Variants in CACNG2 observed in about 807,000 individuals in gnomAD.
CACNG2 encodes the protein voltage-dependent calcium channel gamma-2 subunit.
A neutral mutation model predicts 25.9 loss-of-function variants in CACNG2; 3 were observed. That is an observed-to-expected ratio of 0.12 (90% CI 0.05 to 0.30). The LOEUF (loss-of-function observed/expected upper bound fraction) is 0.30, where lower values mean the gene tolerates loss of function less well. Among genes scored for constraint, CACNG2 ranks in the 10% least tolerant of loss-of-function variants. The pLI is 1.00. For synonymous variants in CACNG2, 167 were observed against 173.3 expected (o/e 0.96, Z 0.29); for missense variants, 341 against 432.5 (o/e 0.79, Z 1.88).
intron 1 of CACNG2, among the ~76,000 whole-genome samples, chr22:36,693,834 A>G (rs1002151307): frequency 1.3e-5 from 2 of 151,902 alleles, no homozygotes; most frequent in African/African-American, 4.8e-5. Flanking sequence ...TTCCTCCCCA[A>G]TCCCTGTGCT....
chr22:36,675,090 G>T lies in CACNG2; in HGVS notation c.211+27276C>A, dbSNP rs181382195. ...TGGGACAGGGTTGCCCAGGCCGAAT[G>T]CAGTGTTGTGATCACGGCTCACTGC... On this transcript the variant is annotated intron_variant, in intron 1 of 3. Coordinates refer to ENST00000300105, the MANE Select transcript of CACNG2 (RefSeq NM_006078.5). 1.1e-4 allele frequency among the ~76,000 whole-genome samples: 17 copies of T among 152,322 alleles called. No individual in the cohort carries two copies. In the East Asian group the frequency reaches 3.1e-3, roughly 28 times the overall value.
intron 1 of CACNG2, among the ~76,000 whole-genome samples, chr22:36,641,955 C>T (rs1005093535): frequency 6.6e-6 from 1 of 152,186 alleles, no homozygotes. Flanking sequence ...AATGTGAGAT[C>T]CTTCTAACAA....
intron 1 of CACNG2, among the ~76,000 whole-genome samples, chr22:36,661,307 T>G (rs1936791455): frequency 6.6e-6 from 1 of 152,224 alleles, no homozygotes; most frequent in African/African-American, 2.4e-5. Flanking sequence ...AGATCGCATG[T>G]TAGATGGAAT....
intron 1 of CACNG2, among the ~76,000 whole-genome samples, chr22:36,670,328 T>C (rs1286309630): frequency 6.6e-6 from 1 of 152,198 alleles, no homozygotes; most frequent in Admixed American, 6.5e-5. Flanking sequence ...TAACAAGTTA[T>C]GCTGTTAATT....
intron 1 of CACNG2, among the ~76,000 whole-genome samples, chr22:36,633,662 A>C (rs1321947505): frequency 6.6e-6 from 1 of 152,238 alleles, no homozygotes; most frequent in Non-Finnish European, 1.5e-5. Flanking sequence ...TGAAACAAAA[A>C]CATTCTGACA....
intron 1 of CACNG2, among the ~76,000 whole-genome samples, chr22:36,600,892 C>T (rs2145931744): frequency 6.6e-6 from 1 of 152,058 alleles, no homozygotes; most frequent in East Asian, 1.9e-4. Flanking sequence ...TTTAAGGTAT[C>T]CAACATGATG....
At chr22:36,578,381 G>A (rs546945535) in intron 2 of CACNG2, among the ~76,000 whole-genome samples, 10 of 146,860 alleles carry the variant, frequency 6.8e-5, no homozygotes, top group Admixed American at 6.1e-4. Flanking sequence ...AAGCCGGAAT[G>A]ATGGATCATT....
At chr22:36,685,693 CAG>C (rs1275517202) in intron 1 of CACNG2, among the ~76,000 whole-genome samples, 1 of 152,360 alleles carries the variant, frequency 6.6e-6, no homozygotes, top group Admixed American at 6.5e-5. Context: ...ACTCAGTCCT[CAG>C]GGGAAGGATT....
intron 2 of CACNG2, chr22:36,585,595 C>T (rs1452602899): frequency 6.6e-6 from 1 of 152,164 alleles, no homozygotes; most frequent in East Asian, 1.9e-4. Flanking sequence ...TTGTCAGTGG[C>T]CACAAGAGCA....
At chr22:36,567,340 C>G (rs1406699212) in intron 2 of CACNG2, among the ~76,000 whole-genome samples, 1 of 152,098 alleles carries the variant, frequency 6.6e-6, no homozygotes, top group Non-Finnish European at 1.5e-5. Context: ...TGTGGCTTTA[C>G]AAAGAAAAAG....
chr22:36,632,052 T>G (rs1603502132), intron 1 of CACNG2, among the ~76,000 whole-genome samples: 1 of 152,284 alleles, frequency 6.6e-6, no homozygotes, highest in East Asian at 1.9e-4. Context: ...CGCCACACTG[T>G]GTGGTCATGT....
chr22:36,671,231 C>T (rs745357536), intron 1 of CACNG2, among the ~76,000 whole-genome samples: 45 of 152,172 alleles, frequency 3.0e-4, no homozygotes, highest in African/African-American at 8.0e-4. Context: ...TCTTTATTTC[C>T]GAAGTTCTAA....
At chr22:36,695,947 G>A (rs1937334241) in intron 1 of CACNG2, among the ~76,000 whole-genome samples, 1 of 152,136 alleles carries the variant, frequency 6.6e-6, no homozygotes, top group African/African-American at 2.4e-5. Context: ...CCCATCTATG[G>A]CTGCGAACTA....
At chr22:36,567,950 A>C (rs1000067598) in intron 2 of CACNG2, among the ~76,000 whole-genome samples, 18 of 152,048 alleles carry the variant, frequency 1.2e-4, no homozygotes, top group Non-Finnish European at 1.5e-5. Context: ...CCTGGGTTCA[A>C]GTGATTCTCC....
In CACNG2 at chr22:36,671,890, G is replaced by C. The variant is rs901886770; in HGVS notation, c.211+30476C>G. ...ATTTTGCTAGGAAGAAAAATGGCCA[G>C]GCTTTTAGAAGAGAAGAGAGAAGAG... On this transcript the variant is annotated intron_variant, in intron 1 of 3. Coordinates refer to ENST00000300105, the MANE Select transcript of CACNG2 (RefSeq NM_006078.5). Among the ~76,000 whole-genome samples, 16 of 152,318 alleles carry C rather than the reference G, an allele frequency of 1.1e-4. No individual in the cohort carries two copies. The Middle Eastern group carries it at 0.017, about 162-fold the overall frequency.
At chr22:36,594,141 C>T (rs116313340) in intron 1 of CACNG2, among the ~76,000 whole-genome samples, 152 of 152,300 alleles carry the variant, frequency 1.0e-3, no homozygotes, top group African/African-American at 3.6e-3. Context: ...CTCTCCATCT[C>T]TGACTTTCCT....
intron 1 of CACNG2, among the ~76,000 whole-genome samples, chr22:36,647,421 C>A (rs1034147990): frequency 6.6e-6 from 1 of 152,060 alleles, no homozygotes; most frequent in East Asian, 1.9e-4. Context: ...CATGGTGAAA[C>A]CCCGTCTCTA....
At chr22:36,611,205 C>A (rs2145941374) in intron 1 of CACNG2, among the ~76,000 whole-genome samples, 1 of 152,220 alleles carries the variant, frequency 6.6e-6, no homozygotes, top group East Asian at 1.9e-4. Flanking sequence ...TGCCTCCCAG[C>A]CTTGAGAGCT....
chr22:36,595,849 T>A (rs1935670647), intron 1 of CACNG2, among the ~76,000 whole-genome samples: 1 of 152,196 alleles, frequency 6.6e-6, no homozygotes, highest in South Asian at 2.1e-4. Flanking sequence ...CAGGCCCCGC[T>A]GAGGCGGAAA....
Sources: gnomAD v4.1 joint callset for allele counts (sites outside exome capture counted in the v4.1 genomes callset) on GRCh38, gnomAD v4.1.1 for gene constraint, MANE v1.5 for transcripts, NCBI Gene and HGNC (gene_info 2026-07-23, HGNC 2026-07-21) for gene names.